Variants in RAF1 observed in about 807,000 individuals in gnomAD.
RAF1 encodes RAF proto-oncogene serine/threonine-protein kinase.
In RAF1, 27 loss-of-function variants were observed where a neutral mutation model predicts 81.1. The observed-to-expected ratio is 0.33, with a 90% CI of 0.25 to 0.46. The LOEUF (loss-of-function observed/expected upper bound fraction) is 0.46. Ranked by LOEUF, RAF1 falls within the 20% of genes least tolerant of loss-of-function variation. The pLI is 1.00. For missense variants in RAF1, 598 were observed against 826.0 expected, an observed-to-expected ratio of 0.72 and a Z score of 3.38; for synonymous variants, 298 against 294.0, an observed-to-expected ratio of 1.01 and a Z score of -0.14.
chr3:12,650,972 AG>A (rs940786329), intron 1 of RAF1, among the ~76,000 whole-genome samples: 8 of 152,232 alleles, frequency 5.3e-5, no homozygotes, highest in Admixed American at 3.9e-4. Context: ...GTAAAACAAA[AG>A]CTAAAGTGTG....
chr3:12,605,704 T>C (rs2059006742), intron 6 of RAF1, among the ~76,000 whole-genome samples: 1 of 152,156 alleles, frequency 6.6e-6, no homozygotes, highest in African/African-American at 2.4e-5. Context: ...AAAGACAAGT[T>C]ATATGCAAAC....
At position 12,637,804 on chromosome 3, in the gene RAF1, A is replaced by G. The variant is rs147361981; in HGVS notation, c.-26-19057T>C. Among the ~76,000 whole-genome samples, 455 of 152,108 alleles carry G rather than the reference A, an allele frequency of 3.0e-3. 2 individuals are homozygous for G. Among genetic ancestry groups the G allele is most frequent in the Middle Eastern group, 0.01 (3 of 294 alleles). On this transcript the variant is annotated intron_variant, in intron 1 of 17. Transcript: ENST00000442415. ...AGAGGCAGAGGTTGCAGTGAGCCGAAATTGCACTACTCCACTCCAGCCTGG... is the reference window on the plus strand; with the variant it reads ...AGAGGCAGAGGTTGCAGTGAGCCGAGATTGCACTACTCCACTCCAGCCTGG...
At chr3:12,602,547 G>C (rs1264910127) in intron 8 of RAF1, among the ~76,000 whole-genome samples, 1 of 151,996 alleles carries the variant, frequency 6.6e-6, no homozygotes, top group East Asian at 1.9e-4. Context: ...TAGAGGTGGG[G>C]TTTTGCTACA....
At chr3:12,609,086 C>T (rs563150620) in intron 4 of RAF1, 147 bp downstream of exon 4, 1 of 1,013,566 alleles carries the variant, frequency 9.9e-7, no homozygotes, top group South Asian at 1.4e-5. Flanking sequence ...CTAATGAAAT[C>T]TAAATTGCCT....
At chr3:12,619,450 G>A (rs1426621098) in intron 1 of RAF1, among the ~76,000 whole-genome samples, 1 of 151,852 alleles carries the variant, frequency 6.6e-6, no homozygotes, top group African/African-American at 2.4e-5. Context: ...TGTCATCCCA[G>A]CTACTAGGGA....
intron 1 of RAF1, among the ~76,000 whole-genome samples, chr3:12,626,368 A>G (rs2059702821): frequency 6.6e-6 from 1 of 151,964 alleles, no homozygotes; most frequent in Non-Finnish European, 1.5e-5. Context: ...TGGGAGGACT[A>G]CTTGAGCCCA....
chr3:12,586,316 G>A (rs1426414033), intron 14 of RAF1, among the ~76,000 whole-genome samples: 10 of 152,096 alleles, frequency 6.6e-5, no homozygotes, highest in African/African-American at 1.2e-4. Context: ...CACTAGAATC[G>A]GTACCACTCA....
intron 11 of RAF1, among the ~76,000 whole-genome samples, chr3:12,594,390 C>T (rs569449054): frequency 1.3e-5 from 2 of 152,308 alleles, no homozygotes; most frequent in East Asian, 3.9e-4. Context: ...GATGATCGCT[C>T]AGGGGGAACT....
chr3:12,608,082 C>CAT (rs1296024578), intron 5 of RAF1, among the ~76,000 whole-genome samples: 3 of 151,560 alleles, frequency 2.0e-5, no homozygotes, highest in Non-Finnish European at 4.4e-5. Flanking sequence ...AAAACATTTT[C>CAT]ATCATGGTCT....
intron 1 of RAF1, among the ~76,000 whole-genome samples, chr3:12,657,632 A>G (rs2060738626): frequency 6.6e-6 from 1 of 151,918 alleles, no homozygotes; most frequent in South Asian, 2.1e-4. Context: ...TTAGTCGGGC[A>G]TGGTGGTGCA....
intron 1 of RAF1, among the ~76,000 whole-genome samples, chr3:12,655,849 T>G (rs2060673303): frequency 6.6e-6 from 1 of 152,018 alleles, no homozygotes; most frequent in African/African-American, 2.4e-5. Flanking sequence ...TGACTCCCCT[T>G]ACATGAGGTA....
At chr3:12,623,014 T>A (rs116075052) in intron 1 of RAF1, among the ~76,000 whole-genome samples, 1,625 of 151,702 alleles carry the variant, frequency 0.011, 23 homozygotes, top group African/African-American at 0.036. Flanking sequence ...AAAAAAAAAA[T>A]TTTAATTACA....
At position 12,591,560 on chromosome 3, in the gene RAF1, CAAGG is replaced by C. The variant is rs2058515051; in HGVS notation, c.1253+144_1253+147del. The C allele has an allele frequency of 5.6e-6, 4 of 710,416 alleles. No individual in the cohort carries two copies. The South Asian group carries it at 6.3e-5, about 11-fold the overall frequency. 44.0% of individuals were successfully genotyped at this position (710,416 alleles called of 1,614,324 possible). ...ACTAAAGGAAACATCCCTTTGCTCTCAAGGGAGGAGCATCCAACCACAGAAACTC... is the reference window on the plus strand; with the variant it reads ...ACTAAAGGAAACATCCCTTTGCTCTCGAGGAGCATCCAACCACAGAAACTC... On this transcript the variant is annotated intron_variant, in intron 12 of 17. Coordinates refer to ENST00000442415, the MANE Select transcript of RAF1 (RefSeq NM_001354689.3).
chr3:12,661,524 C>A (rs1003751747), intron 1 of RAF1, among the ~76,000 whole-genome samples: 1 of 150,792 alleles, frequency 6.6e-6, no homozygotes, highest in Non-Finnish European at 1.5e-5. Context: ...CTGGCCAACA[C>A]GACAAAACCC....
intron 1 of RAF1, among the ~76,000 whole-genome samples, chr3:12,650,088 T>C (rs895192542): frequency 2.1e-5 from 3 of 141,504 alleles, no homozygotes; most frequent in South Asian, 4.5e-4. Flanking sequence ...GGAGGTCGCA[T>C]TGAGCCAAGA....
chr3:12,658,712 A>C (rs11708716), intron 1 of RAF1, among the ~76,000 whole-genome samples: 8,452 of 152,330 alleles, frequency 0.055, 324 homozygotes, highest in Non-Finnish European at 0.083. Flanking sequence ...TTAAAACCGT[A>C]AACTAGCTTT....
chr3:12,621,283 C>T (rs1293372985), intron 1 of RAF1, among the ~76,000 whole-genome samples: 3 of 152,158 alleles, frequency 2.0e-5, no homozygotes, highest in Non-Finnish European at 4.4e-5. Flanking sequence ...ATAGCCCTTA[C>T]CTTCCCATAT....
At chr3:12,587,339 A>C (rs2058361826) in intron 14 of RAF1, 1 of 546,800 alleles carries the variant, frequency 1.8e-6, no homozygotes, top group South Asian at 2.5e-5. Context: ...ATCTCTCCAA[A>C]TCACTTTTGC....
At chr3:12,630,928 T>C (rs1346981032) in intron 1 of RAF1, among the ~76,000 whole-genome samples, 1 of 152,212 alleles carries the variant, frequency 6.6e-6, no homozygotes, top group African/African-American at 2.4e-5. Context: ...CTCAGCCTCC[T>C]GAGTAGCTGG....
Sources: allele counts gnomAD v4.1 joint callset (sites outside exome capture counted in the v4.1 genomes callset), GRCh38; gene constraint gnomAD v4.1.1; transcripts MANE v1.5; gene names NCBI Gene and HGNC (gene_info 2026-07-23, HGNC 2026-07-21).